ZNF41: variants seen among roughly 807,000 people sequenced by gnomAD.
ZNF41 encodes the protein zinc finger protein 41.
ZNF41 carries 6 observed loss-of-function variants against 9.3 expected under a neutral mutation model. That is an observed-to-expected ratio of 0.65 (90% CI 0.35 to 1.28). The LOEUF (loss-of-function observed/expected upper bound fraction) is 1.28. Among genes scored for constraint, ZNF41 ranks in the 50% most tolerant of loss-of-function variants. The probability of loss-of-function intolerance (pLI) is 0.03; values close to 1 mark genes in which losing one functional copy is unlikely to be tolerated. For missense variants in ZNF41, 523 were observed against 585.8 expected (o/e 0.89, Z 1.11); for synonymous variants, 192 against 207.1 (o/e 0.93, Z 0.63).
chrX:47,461,099 C>CT (rs372319051), intron 2 of ZNF41, among the ~76,000 whole-genome samples: 246 of 98,047 alleles, frequency 2.5e-3, no homozygotes, highest in South Asian at 4.9e-3. Flanking sequence ...CTTTTCTTTT[C>CT]TTTTTTTTTT....
At chrX:47,468,129 T>C (rs2057052063) in intron 1 of ZNF41, among the ~76,000 whole-genome samples, 1 of 111,494 alleles carries the variant, frequency 9.0e-6, no homozygotes, top group South Asian at 3.8e-4. Context: ...ACTAATCCCA[T>C]TTACCATCAG....
chrX:47,458,960 G>T (rs1218578487), intron 2 of ZNF41, among the ~76,000 whole-genome samples: 1 of 110,673 alleles, frequency 9.0e-6, no homozygotes, highest in Non-Finnish European at 1.9e-5. Flanking sequence ...AATGTGGGAG[G>T]ACATGCTTTA....
At chrX:47,474,850 C>G (rs1464311572) in intron 1 of ZNF41, among the ~76,000 whole-genome samples, 3 of 100,879 alleles carry the variant, frequency 3.0e-5, no homozygotes, top group African/African-American at 1.1e-4. Context: ...TGTACTTCAG[C>G]CTGAGCAACA....
In ZNF41 at chrX:47,478,866, G is replaced by A. The variant is rs1163958641; in HGVS notation, c.-280+4229C>T. On this transcript the variant is annotated intron_variant, in intron 1 of 4. Coordinates refer to ENST00000684689, the MANE Select transcript of ZNF41 (RefSeq NM_001324144.2). ...GGAGAATTGCTTGAACCCAGGAGGC[G>A]GCAGCTGCAGTGAACTGAGATCCGG... Among the ~76,000 whole-genome samples, 4 of 110,437 alleles carry A rather than the reference G, an allele frequency of 3.6e-5. No individual in the cohort carries two copies. The Admixed American group carries it at 3.9e-4, about 11-fold the overall frequency.
intron 2 of ZNF41, among the ~76,000 whole-genome samples, chrX:47,461,074 A>C (rs1394553885): frequency 9.0e-6 from 1 of 110,943 alleles, no homozygotes; most frequent in Non-Finnish European, 1.9e-5. Flanking sequence ...TCGTAAAAAA[A>C]ATTAAGGATA....
At position 47,461,621 on chromosome X, in the gene ZNF41, G is replaced by T. The variant is rs139221120; in HGVS notation, c.73-5223C>A. On this transcript the variant is annotated intron_variant, in intron 2 of 4. Transcript: ENST00000684689. ...GATGGGGTTTCACCATGTTGGTCAG[G>T]CTCATCTAGAATTCCTGGCCTCAAG... Among the ~76,000 whole-genome samples, 629 of 110,217 alleles carry T rather than the reference G, an allele frequency of 5.7e-3. 3 individuals are homozygous for T. Among genetic ancestry groups the T allele is most frequent in the African/African-American group, 0.019 (588 of 30,340 alleles).
In ZNF41 at chrX:47,449,273, C is replaced by T. The variant is rs1382741113; in HGVS notation, c.497G>A (p.Gly166Asp). Residue 166 changes from glycine to aspartate, a missense_variant, in exon 5 of 5, where the codon GGC (glycine) becomes GAC (aspartate). Transcript: ENST00000684689. The stretch of plus-strand genomic sequence containing the variant: ...TTTTTCAATGTTTTTATGTTCATAG[C>T]CCCTCTCCTTAATCAATACTTTCAC... ...SHVKVLIKER[G>D]YEHKNIEKII... The T allele has an allele frequency of 2.5e-6, 3 of 1,210,940 alleles. No individual in the cohort carries two copies. Among genetic ancestry groups the T allele is most frequent in the East Asian group, 3.0e-5 (1 of 33,843 alleles).
In ZNF41 at chrX:47,446,412, G is replaced by A. The variant is rs531017189; in HGVS notation, c.*1018C>T. On this transcript the variant is annotated 3_prime_UTR_variant, in exon 5 of 5. Transcript: ENST00000684689. ...GAAATGAATATACCTTAACCAAATAGGAAGAAAAACAAAATATTAGGAAGT... is the reference window on the plus strand; with the variant it reads ...GAAATGAATATACCTTAACCAAATAAGAAGAAAAACAAAATATTAGGAAGT... 3 of 110,877 alleles carry A rather than the reference G, an allele frequency of 2.7e-5. No individual in the cohort carries two copies. The highest frequency in any genetic ancestry group is 1.9e-4 in the Admixed American group (2 of 10,271). 9.1% of individuals were successfully genotyped at this position (110,877 alleles called of 1,213,427 possible). A position where few individuals can be genotyped will look rare whatever the true frequency, so the allele number is the denominator to read the frequency against.
intron 2 of ZNF41, among the ~76,000 whole-genome samples, chrX:47,463,457 A>G (rs1312692356): frequency 5.5e-5 from 6 of 109,970 alleles, no homozygotes; most frequent in Non-Finnish European, 7.6e-5. Flanking sequence ...TGTTTCCCAG[A>G]CTCTCCAACT....
chrX:47,451,424 CT>C (rs2056360023), intron 4 of ZNF41, among the ~76,000 whole-genome samples: 1 of 112,397 alleles, frequency 8.9e-6, no homozygotes, highest in Non-Finnish European at 1.9e-5. Flanking sequence ...CCCAGTTACC[CT>C]GATGTGATTA....
At chrX:47,459,155 G>T (rs1569285766) in intron 2 of ZNF41, among the ~76,000 whole-genome samples, 1 of 107,771 alleles carries the variant, frequency 9.3e-6, no homozygotes, top group Non-Finnish European at 1.9e-5. Context: ...TTTGTGACCA[G>T]CCTGGCCAAC....
At chrX:47,476,790 C>T (rs2057341870) in intron 1 of ZNF41, 1 of 108,726 alleles carries the variant, frequency 9.2e-6, no homozygotes, top group African/African-American at 3.3e-5. Context: ...GGCGCAGTGG[C>T]TTATGCCTGT....
chrX:47,465,675 C>T (rs1210093123), intron 2 of ZNF41, among the ~76,000 whole-genome samples: 1 of 110,764 alleles, frequency 9.0e-6, no homozygotes, highest in Non-Finnish European at 1.9e-5. Flanking sequence ...GGTGTGGTCC[C>T]ATGTGCCTGT....
chrX:47,471,024 A>G (rs148227735), intron 1 of ZNF41, among the ~76,000 whole-genome samples: 5,273 of 111,187 alleles, frequency 0.047, 184 homozygotes, highest in Admixed American at 0.12. Flanking sequence ...GTCATGTAAA[A>G]GTTTTATCAT....
chrX:47,480,958 C>T (rs757689880), intron 1 of ZNF41, among the ~76,000 whole-genome samples: 5 of 110,538 alleles, frequency 4.5e-5, no homozygotes, highest in Non-Finnish European at 7.6e-5. Context: ...AACTTAAAAG[C>T]ATCATTCCTG....
rs1455533661 is a variant in ZNF41 at position 47,447,238 on chromosome X, A to G, written c.*192T>C. ...TTCCTATGCATAGAATTGCATATAC[A>G]CTGTGGTGATGCAGGAACTTGTCTT... is the stretch of plus-strand genomic sequence containing the variant. On this transcript the variant is annotated 3_prime_UTR_variant, in exon 5 of 5. Coordinates refer to ENST00000684689, the MANE Select transcript of ZNF41 (RefSeq NM_001324144.2). 2.0e-6 allele frequency: 1 copy of G among 497,824 alleles called. No individual in the cohort carries two copies. The highest frequency in any genetic ancestry group is 3.4e-6 in the Non-Finnish European group (1 of 292,957). 41.0% of individuals were successfully genotyped at this position (497,824 alleles called of 1,213,427 possible). A position where few individuals can be genotyped will look rare whatever the true frequency, so the allele number is the denominator to read the frequency against.
In ZNF41 at chrX:47,448,290, G is replaced by A; in HGVS notation, c.1480C>T (p.Pro494Ser). ...TTTCCACATTCTGTACATATATAGGGTTTCTCTCCGGTGTGAATTCTTTGA... is the reference window on the plus strand; with the variant it reads ...TTTCCACATTCTGTACATATATAGGATTTCTCTCCGGTGTGAATTCTTTGA... ...VHQRIHTGEKPYICTECGKVF... is the reference protein window; with the variant it reads ...VHQRIHTGEKSYICTECGKVF... The change falls in exon 5 of 5, where the codon CCC becomes TCC. Residue 494 changes from proline to serine, a missense_variant. Transcript: ENST00000684689. 8.3e-7 allele frequency: 1 copy of A among 1,211,074 alleles called. No homozygotes were observed.
chrX:47,449,104 G>T lies in ZNF41; in HGVS notation c.666C>A (p.Asn222Lys). The change falls in exon 5 of 5, where the codon AAC (asparagine) becomes AAA (lysine). Residue 222 changes from asparagine (N) to lysine (K), a missense_variant. Coordinates refer to ENST00000684689, the MANE Select transcript of ZNF41 (RefSeq NM_001324144.2). ...KNLGKIFGNG[N>K]NFPHSPSSTK... ...TAGAGGAAGGGCTATGGGGGAAATT[G>T]TTACCATTTCCAAAAATCTTGCCAA... 1 of 1,211,584 alleles carries T rather than the reference G, an allele frequency of 8.3e-7. No homozygotes were observed.
At chrX:47,478,383 T>TATAG (rs2057390223) in intron 1 of ZNF41, among the ~76,000 whole-genome samples, 1 of 110,676 alleles carries the variant, frequency 9.0e-6, no homozygotes, top group Non-Finnish European at 1.9e-5. Context: ...GGCACGCACC[T>TATAG]ATAGTCCCAG....
Sources: gnomAD v4.1 joint callset for allele counts (sites outside exome capture counted in the v4.1 genomes callset) on GRCh38, gnomAD v4.1.1 for gene constraint, MANE v1.5 for transcripts, NCBI Gene and HGNC (gene_info 2026-07-23, HGNC 2026-07-21) for gene names.